DNAJC10: variants seen among roughly 807,000 people sequenced by gnomAD.
The protein encoded by DNAJC10 is endoplasmic reticulum disulfide reductase DNAJC10.
In DNAJC10, 101 loss-of-function variants were observed where a neutral mutation model predicts 115.0. That is an observed-to-expected ratio of 0.88 (90% CI 0.75 to 1.04). DNAJC10 has a LOEUF of 1.04. Among genes scored for constraint, DNAJC10 ranks in the 50% least tolerant of loss-of-function variants. The pLI is 0.00. For missense variants in DNAJC10, 981 were observed against 928.8 expected (o/e 1.06, Z -0.73); for synonymous variants, 307 against 301.5 (o/e 1.02, Z -0.19).
Position 182,752,094 on chromosome 2 carries a change from T to C in DNAJC10, c.1457T>C (p.Leu486Ser). 1 of 1,613,806 alleles carries C rather than the reference T, an allele frequency of 6.2e-7. No homozygotes were observed. Among genetic ancestry groups the C allele is most frequent in the Non-Finnish European group, 8.5e-7 (1 of 1,179,800 alleles). Residue 486 changes from leucine to serine, a missense_variant, in exon 16 of 24, where the codon TTA becomes TCA. Transcript: ENST00000264065. ...FAPWCPPCRA[L>S]LPELRRASNL... ...TAGTGGTGTCCACCATGTCGAGCTT[T>C]ACTACCAGAGTTACGAAGAGCATCA...
rs1210558526 is a variant in DNAJC10, at chr2:182,788,800, A to C, written c.*11668A>C. 2.2e-6 allele frequency: 1 copy of C among 455,922 alleles called. No homozygotes were observed. The highest frequency in any genetic ancestry group is 4.4e-6 in the Non-Finnish European group (1 of 226,644). The allele number at this position is 455,922 out of a possible 1,614,324, so 28.2% of individuals were successfully genotyped here. On this transcript the variant is annotated 3_prime_UTR_variant, in exon 24 of 24. Transcript: ENST00000264065. ...TCTAAAATGGACTTCAAGCTCTATG[A>C]CTTTATGATCACTTAGTATGTCTAC...
intron 12 of DNAJC10, 94 bp downstream of exon 12, chr2:182,740,482 TAGAGAGAATTGAAAG>T (rs930089320): frequency 2.5e-6 from 3 of 1,198,402 alleles, no homozygotes; most frequent in Non-Finnish European, 3.4e-6. Flanking sequence ...TATTCATCTC[TAGAGAGAATTGAAAG>T]TAGCAGTTTC....
chr2:182,774,558 A>C (rs1355762312), intron 22 of DNAJC10, among the ~76,000 whole-genome samples: 1 of 152,170 alleles, frequency 6.6e-6, no homozygotes, highest in African/African-American at 2.4e-5. Flanking sequence ...CCACAATGGC[A>C]GACACCCCTC....
chr2:182,740,072 G>T, intron 11 of DNAJC10: 1 of 1,022,252 alleles, frequency 9.8e-7, no homozygotes, highest in Non-Finnish European at 1.2e-6. Flanking sequence ...TCTTATAATG[G>T]AATTTATTGT....
chr2:182,727,288 A>G (rs1394993371), intron 5 of DNAJC10, among the ~76,000 whole-genome samples: 1 of 152,174 alleles, frequency 6.6e-6, no homozygotes, highest in African/African-American at 2.4e-5. Context: ...TTTGTTTTAC[A>G]GCATATTTTT....
chr2:182,780,258 A>G lies in DNAJC10; in HGVS notation c.*3126A>G, dbSNP rs1694814825. The G allele has an allele frequency of 6.6e-6, 1 of 152,046 alleles. No individual in the cohort carries two copies. Among genetic ancestry groups the G allele is most frequent in the South Asian group, 2.1e-4 (1 of 4,820 alleles). The allele number at this position is 152,046 out of a possible 1,614,324, so 9.4% of individuals were successfully genotyped here. ...GGGCCTGGTGGGAGGTGTTTGGGTGATGGGGGCTGATCCCTCATAAATGGC... is the reference window on the plus strand; with the variant it reads ...GGGCCTGGTGGGAGGTGTTTGGGTGGTGGGGGCTGATCCCTCATAAATGGC... On this transcript the variant is annotated 3_prime_UTR_variant, in exon 24 of 24. Transcript: ENST00000264065.
chr2:182,746,007 G>A (rs1053800762), intron 14 of DNAJC10, among the ~76,000 whole-genome samples: 103 of 152,028 alleles, frequency 6.8e-4, no homozygotes, highest in African/African-American at 2.4e-3. Flanking sequence ...TTGTCTTTGC[G>A]ATAGTTTACT....
At position 182,748,382 on chromosome 2, in the gene DNAJC10, C is replaced by G. The variant is rs183501954; in HGVS notation, c.1307-3276C>G. ...TCCTGGACTCTTTTTGTTTGGTAAG[C>G]TATTGATTATTGCCACAATTTCAGC... On this transcript the variant is annotated intron_variant, in intron 14 of 23. Coordinates refer to ENST00000264065, the MANE Select transcript of DNAJC10 (RefSeq NM_018981.4). 7.9e-3 allele frequency among the ~76,000 whole-genome samples: 1,209 copies of G among 152,202 alleles called. 6 individuals are homozygous for G. The highest frequency in any genetic ancestry group is 0.032 in the South Asian group (154 of 4,826).
intron 22 of DNAJC10, among the ~76,000 whole-genome samples, chr2:182,763,648 C>T (rs1363551702): frequency 6.6e-6 from 1 of 152,148 alleles, no homozygotes; most frequent in African/African-American, 2.4e-5. Context: ...ATTTCATTCT[C>T]ATGCACAAAT....
At chr2:182,746,164 C>T (rs1188940643) in intron 14 of DNAJC10, among the ~76,000 whole-genome samples, 2 of 152,138 alleles carry the variant, frequency 1.3e-5, no homozygotes, top group Non-Finnish European at 2.9e-5. Context: ...GGTTCCAAGT[C>T]TTTGCTATTG....
rs560758733 is a variant in DNAJC10, at chr2:182,783,074, T to C, written c.*5942T>C. On this transcript the variant is annotated 3_prime_UTR_variant, in exon 24 of 24. Transcript: ENST00000264065. ...AAATAGCTCTTATTATTTTGAGATA[T>C]GTTCCATCATATCTAGTTTTTTGAG... 22 of 152,214 alleles carry C rather than the reference T, an allele frequency of 1.4e-4. No individual in the cohort carries two copies. The highest frequency in any genetic ancestry group is 4.3e-4 in the African/African-American group (18 of 41,462). The allele number at this position is 152,214 out of a possible 1,614,324, so 9.4% of individuals were successfully genotyped here.
Position 182,728,888 on chromosome 2 carries a change from A to G in DNAJC10, c.527A>G (p.Asp176Gly), listed in dbSNP as rs141717303. 11 of 1,613,934 alleles carry G rather than the reference A, an allele frequency of 6.8e-6. No individual in the cohort carries two copies. The highest frequency in any genetic ancestry group is 8.5e-6 in the Non-Finnish European group (10 of 1,179,980). The change falls in exon 7 of 24, where the codon GAT becomes GGT. Residue 176 changes from aspartate (D) to glycine (G), a missense_variant. Asp to Gly is a moderately conservative substitution (Grantham distance 94). Transcript: ENST00000264065. ...TGGAGAGACTTTGCTAAAGAAGTGG[A>G]TGGGTTACTTCGAATTGGAGCTGTT... Reference protein sequence around the residue: ...PTWRDFAKEVDGLLRIGAVNC... With the variant: ...PTWRDFAKEVGGLLRIGAVNC...
intron 14 of DNAJC10, among the ~76,000 whole-genome samples, chr2:182,748,416 T>C (rs1693927027): frequency 1.3e-5 from 2 of 152,224 alleles, no homozygotes; most frequent in African/African-American, 2.4e-5. Context: ...GCTCCTGTTA[T>C]TGGTCTATTC....
chr2:182,718,849 CATTTT>C (rs1032100813), intron 3 of DNAJC10, among the ~76,000 whole-genome samples: 49 of 152,118 alleles, frequency 3.2e-4, no homozygotes, highest in African/African-American at 1.1e-3. Context: ...AAACTAAACT[CATTTT>C]AATTTTTATG....
rs372447298 is a variant in DNAJC10, at chr2:182,731,066, C to G, written c.764C>G (p.Ala255Gly). The G allele has an allele frequency of 6.2e-7, 1 of 1,612,576 alleles. No homozygotes were observed. ...AACTCCATACAAACTGCTTTTGCTGCTGGTATTGGCTGGCTGATCACTTTT... is the reference window on the plus strand; with the variant it reads ...AACTCCATACAAACTGCTTTTGCTGGTGGTATTGGCTGGCTGATCACTTTT... ...FVNSIQTAFA[A>G]GIGWLITFCS... The change falls in exon 9 of 24, where the codon GCT becomes GGT. Residue 255 changes from alanine (A) to glycine (G), a missense_variant. Ala to Gly is a moderately conservative substitution (Grantham distance 60). Coordinates refer to ENST00000264065, the MANE Select transcript of DNAJC10 (RefSeq NM_018981.4).
chr2:182,722,921 A>G (rs1693189352), intron 5 of DNAJC10, among the ~76,000 whole-genome samples: 1 of 152,142 alleles, frequency 6.6e-6, no homozygotes, highest in Non-Finnish European at 1.5e-5. Context: ...GAAAACTAAA[A>G]TAGCGTACCA....
At chr2:182,724,942 T>C (rs1574918537) in intron 5 of DNAJC10, among the ~76,000 whole-genome samples, 1 of 152,180 alleles carries the variant, frequency 6.6e-6, no homozygotes, top group Non-Finnish European at 1.5e-5. Context: ...TTTATTGCAC[T>C]TCATAGATAA....
At chr2:182,753,251 T>C (rs1381331046) in intron 16 of DNAJC10, among the ~76,000 whole-genome samples, 2 of 152,054 alleles carry the variant, frequency 1.3e-5, no homozygotes, top group Non-Finnish European at 2.9e-5. Flanking sequence ...AGTTTGTTGC[T>C]CTCTACTTTT....
intron 14 of DNAJC10, among the ~76,000 whole-genome samples, chr2:182,751,391 C>G (rs1459533540): frequency 1.3e-5 from 2 of 151,994 alleles, no homozygotes; most frequent in East Asian, 1.9e-4. Context: ...ACCTCGGCCT[C>G]TCAAAGTGCT....
Sources: allele counts gnomAD v4.1 joint callset (sites outside exome capture counted in the v4.1 genomes callset), GRCh38; gene constraint gnomAD v4.1.1; transcripts MANE v1.5; gene names NCBI Gene and HGNC (gene_info 2026-07-23, HGNC 2026-07-21).